VSTM4: variants seen among roughly 807,000 people sequenced by gnomAD.
The protein encoded by VSTM4 is V-set and transmembrane domain containing 4.
In VSTM4, 20 loss-of-function variants were observed where a neutral mutation model predicts 36.4. The observed-to-expected ratio is 0.55, with a 90% confidence interval of 0.39 to 0.80. The LOEUF is 0.80. Among genes scored for constraint, VSTM4 ranks in the 30% least tolerant of loss-of-function variants. VSTM4 has a pLI of 0.00. For synonymous variants in VSTM4, 182 were observed against 173.9 expected, an observed-to-expected ratio of 1.05 and a Z score of -0.37; for missense variants, 392 against 404.5, an observed-to-expected ratio of 0.97 and a Z score of 0.26.
rs549163756 is a variant in VSTM4 at position 49,026,982 on chromosome 10, T to G, written c.838-7207A>C. On this transcript the variant is annotated intron_variant, in intron 7 of 7. Coordinates refer to ENST00000332853, the MANE Select transcript of VSTM4 (RefSeq NM_001031746.5). ...CTAACAGGGGAGTACAGGTTTCTGT[T>G]TAAGTTGATCCCCTCCGCATGAAAC... is the stretch of plus-strand genomic sequence containing the variant. Among the ~76,000 whole-genome samples the G allele has an allele frequency of 5.3e-5, 8 of 152,228 alleles. No homozygotes were observed. The East Asian group carries it at 1.4e-3, about 26-fold the overall frequency.
At position 49,019,485 on chromosome 10, in the gene VSTM4, G is replaced by A; in HGVS notation, c.*165C>T. 4.4e-6 allele frequency: 4 copies of A among 906,792 alleles called. No homozygotes were observed. Among genetic ancestry groups the A allele is most frequent in the South Asian group, 3.5e-5 (1 of 28,796 alleles). 56.2% of individuals were successfully genotyped at this position (906,792 alleles called of 1,614,324 possible). On this transcript the variant is annotated 3_prime_UTR_variant, in exon 8 of 8. Coordinates refer to ENST00000332853, the MANE Select transcript of VSTM4 (RefSeq NM_001031746.5). ...GCTGTGGCCCCGATTCTTTTGGGGA[G>A]AGCAGGCTTGTACCTCTTCAAAGGC...
In VSTM4 at chr10:49,083,528, T is replaced by C. The variant is rs546174816; in HGVS notation, c.526+2427A>G. On this transcript the variant is annotated intron_variant, in intron 3 of 7. Coordinates refer to ENST00000332853, the MANE Select transcript of VSTM4 (RefSeq NM_001031746.5). ...GGAGACGCTGCTGCTGCCGAAATCA[T>C]AGGAAAAGATTGGTCTGTAAACAGC... is the stretch of plus-strand genomic sequence containing the variant. Among the ~76,000 whole-genome samples, 17 of 152,290 alleles carry C rather than the reference T, an allele frequency of 1.1e-4. 1 individual carries two copies. The South Asian group carries it at 2.1e-3, about 19-fold the overall frequency.
chr10:49,107,512 G>A (rs1844803613), intron 2 of VSTM4, 82 bp downstream of exon 2: 1 of 1,505,792 alleles, frequency 6.6e-7, no homozygotes, highest in Non-Finnish European at 8.9e-7. Context: ...GCCAACCCGG[G>A]AGCCCCTGGG....
chr10:49,026,088 C>T (rs1266821463), intron 7 of VSTM4, among the ~76,000 whole-genome samples: 2 of 152,158 alleles, frequency 1.3e-5, no homozygotes, highest in East Asian at 1.9e-4. Flanking sequence ...TCTGCGTGCT[C>T]GGACTTCCCT....
chr10:49,083,172 C>T (rs1194751442), intron 3 of VSTM4, among the ~76,000 whole-genome samples: 1 of 152,206 alleles, frequency 6.6e-6, no homozygotes, highest in Non-Finnish European at 1.5e-5. Context: ...CAGGAGATAG[C>T]AGTTTGAGAC....
At position 49,016,606 on chromosome 10, in the gene VSTM4, C is replaced by T. The variant is rs1227506884; in HGVS notation, c.*3044G>A. The T allele has an allele frequency of 1.3e-5, 2 of 152,200 alleles. No individual in the cohort carries two copies. Among genetic ancestry groups the T allele is most frequent in the Admixed American group, 6.5e-5 (1 of 15,288 alleles). 9.4% of individuals were successfully genotyped at this position (152,200 alleles called of 1,614,324 possible). Reference sequence around the variant, plus strand: ...AGCGAGGGGGTCTTTGGGCTCATTGCTGTGTGGGCCAGCCCACATTATCAT... The same window carrying T: ...AGCGAGGGGGTCTTTGGGCTCATTGTTGTGTGGGCCAGCCCACATTATCAT... On this transcript the variant is annotated 3_prime_UTR_variant, in exon 8 of 8. Transcript: ENST00000332853.
chr10:49,048,842 C>T (rs1407300427), intron 5 of VSTM4, among the ~76,000 whole-genome samples: 2 of 152,306 alleles, frequency 1.3e-5, no homozygotes, highest in Non-Finnish European at 2.9e-5. Flanking sequence ...GTGCTGTTTA[C>T]AGTCCCAAAT....
chr10:49,099,065 C>T (rs1005549410), intron 2 of VSTM4, among the ~76,000 whole-genome samples: 1 of 152,178 alleles, frequency 6.6e-6, no homozygotes, highest in African/African-American at 2.4e-5. Flanking sequence ...TCTTCTCTAG[C>T]TTAAATCTGT....
chr10:49,087,447 T>C (rs1029987046), intron 2 of VSTM4, among the ~76,000 whole-genome samples: 2 of 152,226 alleles, frequency 1.3e-5, no homozygotes, highest in African/African-American at 2.4e-5. Flanking sequence ...ACATTGTATA[T>C]AGAAAATCTT....
intron 2 of VSTM4, among the ~76,000 whole-genome samples, chr10:49,096,622 CGT>C (rs57143308): frequency 0.027 from 3,328 of 122,378 alleles, 48 homozygotes; most frequent in African/African-American, 0.051. Context: ...CATTGAAGAC[CGT>C]GTGTGTGTGT....
chr10:49,049,303 C>T, intron 5 of VSTM4, among the ~76,000 whole-genome samples: 1 of 152,272 alleles, frequency 6.6e-6, no homozygotes, highest in East Asian at 1.9e-4. Flanking sequence ...TTTTACATTA[C>T]AGGTAAGAAG....
chr10:49,044,159 C>T (rs1451953614), intron 7 of VSTM4, among the ~76,000 whole-genome samples: 1 of 152,072 alleles, frequency 6.6e-6, no homozygotes, highest in East Asian at 1.9e-4. Context: ...GAAACCCCAA[C>T]TCTACTAAAA....
intron 5 of VSTM4, among the ~76,000 whole-genome samples, chr10:49,054,739 G>A (rs946510281): frequency 1.3e-5 from 2 of 152,186 alleles, no homozygotes; most frequent in African/African-American, 4.8e-5. Context: ...CTAAATGTGA[G>A]GTCAAAGCAA....
chr10:49,032,132 TTC>T (rs1420015126), intron 7 of VSTM4, among the ~76,000 whole-genome samples: 1 of 152,210 alleles, frequency 6.6e-6, no homozygotes, highest in African/African-American at 2.4e-5. Flanking sequence ...TTTGGTAGCC[TTC>T]TGTCTTCCTC....
chr10:49,093,323 C>T (rs1488971683), intron 2 of VSTM4, among the ~76,000 whole-genome samples: 1 of 152,140 alleles, frequency 6.6e-6, no homozygotes, highest in Non-Finnish European at 1.5e-5. Flanking sequence ...AGCAGCAGGG[C>T]ACCAAAGAAG....
intron 5 of VSTM4, among the ~76,000 whole-genome samples, chr10:49,060,142 G>A (rs1843849835): frequency 6.6e-6 from 1 of 152,100 alleles, no homozygotes; most frequent in South Asian, 2.1e-4. Flanking sequence ...CTGGTTTCTG[G>A]TTATCATGAA....
chr10:49,048,912 T>C (rs1198124633), intron 5 of VSTM4, among the ~76,000 whole-genome samples: 2 of 152,232 alleles, frequency 1.3e-5, no homozygotes, highest in East Asian at 1.9e-4. Context: ...GGGTTGATGG[T>C]TGACACCTGG....
At chr10:49,105,939 T>A (rs748946163) in intron 2 of VSTM4, among the ~76,000 whole-genome samples, 3 of 152,154 alleles carry the variant, frequency 2.0e-5, no homozygotes, top group Non-Finnish European at 2.9e-5. Flanking sequence ...GTATTTGCAG[T>A]GGGTTCTTGG....
intron 2 of VSTM4, among the ~76,000 whole-genome samples, chr10:49,095,729 C>T (rs986400661): frequency 2.6e-5 from 4 of 151,962 alleles, no homozygotes; most frequent in Admixed American, 6.6e-5. Context: ...GCCTCACCCC[C>T]TCGTCTGGCC....
Sources: gnomAD v4.1 joint callset for allele counts (sites outside exome capture counted in the v4.1 genomes callset) on GRCh38, gnomAD v4.1.1 for gene constraint, MANE v1.5 for transcripts, NCBI Gene and HGNC (gene_info 2026-07-23, HGNC 2026-07-21) for gene names.